The following ZDHHC21 variants were observed in gnomAD, a reference collection of about 807,000 sequenced individuals.
ZDHHC21 encodes zDHHC palmitoyltransferase 21, also known as palmitoyltransferase ZDHHC21.
Under a neutral mutation model 34.6 loss-of-function variants are expected in ZDHHC21, and 15 were observed. That is an observed-to-expected ratio of 0.43 (90% CI 0.29 to 0.67). The LOEUF (loss-of-function observed/expected upper bound fraction) is 0.67, where lower values mean the gene tolerates loss of function less well. Among genes scored for constraint, ZDHHC21 ranks in the 30% least tolerant of loss-of-function variants. The probability of loss-of-function intolerance (pLI) is 0.14; values close to 1 mark genes in which losing one functional copy is unlikely to be tolerated. For synonymous variants in ZDHHC21, 142 were observed against 101.8 expected (o/e 1.40, Z -2.38); for missense variants, 344 against 327.7 (o/e 1.05, Z -0.38).
intron 2 of ZDHHC21, among the ~76,000 whole-genome samples, chr9:14,683,918 A>AT (rs1252399374): frequency 6.6e-6 from 1 of 152,212 alleles, no homozygotes; most frequent in African/African-American, 2.4e-5. Context: ...AATAAACGTA[A>AT]TCCAGCATAT....
intron 8 of ZDHHC21, among the ~76,000 whole-genome samples, chr9:14,629,556 C>A (rs1316863805): frequency 6.6e-6 from 1 of 152,120 alleles, no homozygotes; most frequent in Admixed American, 6.5e-5. Context: ...ATGCTATACT[C>A]TATGAAGTGT....
intron 8 of ZDHHC21, among the ~76,000 whole-genome samples, chr9:14,621,789 AG>A (rs1825353048): frequency 6.6e-6 from 1 of 152,154 alleles, no homozygotes; most frequent in Non-Finnish European, 1.5e-5. Flanking sequence ...ACAGCAAACT[AG>A]AAGAGGACAG....
chr9:14,610,952 T>C (rs1249759453), downstream of ZDHHC21: 1 of 152,028 alleles, frequency 6.6e-6, no homozygotes, highest in East Asian at 1.9e-4. Context: ...CTAGTAATCA[T>C]GAATAATTAT....
At chr9:14,659,542 G>T (rs771215878) in intron 6 of ZDHHC21, among the ~76,000 whole-genome samples, 1 of 152,120 alleles carries the variant, frequency 6.6e-6, no homozygotes, top group Non-Finnish European at 1.5e-5. Context: ...ATATTTTATT[G>T]TTCCAAATTT....
At chr9:14,650,602 T>A (rs1021802087) in intron 7 of ZDHHC21, among the ~76,000 whole-genome samples, 4 of 151,978 alleles carry the variant, frequency 2.6e-5, no homozygotes, top group Non-Finnish European at 4.4e-5. Flanking sequence ...AAGATTAAAA[T>A]AAATTATGAA....
the ZDHHC21 span, among the ~76,000 whole-genome samples, chr9:14,592,539 T>A: frequency 3.3e-5 from 5 of 152,042 alleles, 1 homozygote; most frequent in African/African-American, 9.7e-5. Context: ...CTGAAAGAAT[T>A]AAAAGAACAA....
intron 8 of ZDHHC21, among the ~76,000 whole-genome samples, chr9:14,627,166 T>C (rs1826418015): frequency 6.6e-6 from 1 of 152,194 alleles, no homozygotes; most frequent in Admixed American, 6.5e-5. Context: ...TACACTTCTG[T>C]GTATAGATTA....
chr9:14,675,380 C>A lies in ZDHHC21; in HGVS notation c.-45-995G>T, dbSNP rs149385788. On this transcript the variant is annotated intron_variant, in intron 3 of 9. Transcript: ENST00000380916. ...ACGGTTCTCTAGCCTGTAAGAAAAC[C>A]AAAAACACCTGGGGAGCTTTTTAAA... Among the ~76,000 whole-genome samples the A allele has an allele frequency of 1.1e-3, 160 of 151,868 alleles. 4 individuals carry two copies. In the East Asian group the frequency reaches 0.026, roughly 24 times the overall value.
chr9:14,602,060 T>C, the ZDHHC21 span, among the ~76,000 whole-genome samples: 2 of 152,010 alleles, frequency 1.3e-5, no homozygotes, highest in South Asian at 2.1e-4. Context: ...GACGGGTTGA[T>C]GGGTGCAGCA....
chr9:14,662,112 A>T (rs1017198503), intron 6 of ZDHHC21, 103 bp downstream of exon 6: 1 of 669,832 alleles, frequency 1.5e-6, no homozygotes, highest in African/African-American at 1.8e-5. Flanking sequence ...ATATTGTAAA[A>T]CTATATAACT....
chr9:14,630,848 T>C (rs1219828307), intron 8 of ZDHHC21, among the ~76,000 whole-genome samples: 1 of 152,230 alleles, frequency 6.6e-6, no homozygotes, highest in Admixed American at 6.5e-5. Context: ...TAGTTCTCAA[T>C]AGTGGGCTTA....
downstream of ZDHHC21, among the ~76,000 whole-genome samples, chr9:14,606,249 C>T (rs377508327): frequency 6.6e-6 from 1 of 152,132 alleles, no homozygotes; most frequent in African/African-American, 2.4e-5. Context: ...TGTTCTCTCC[C>T]GCTGACTCTG....
chr9:14,690,515 G>A (rs917014194), intron 1 of ZDHHC21, 130 bp from the exon 2 acceptor site: 2 of 372,992 alleles, frequency 5.4e-6, no homozygotes, highest in Non-Finnish European at 1.0e-5. Context: ...CTGCCCTTTT[G>A]TAGAAGGGGC....
intron 3 of ZDHHC21, among the ~76,000 whole-genome samples, chr9:14,678,161 C>G (rs545646776): frequency 2.0e-5 from 3 of 152,120 alleles, no homozygotes; most frequent in Non-Finnish European, 2.9e-5. Context: ...TTTCCTGGCA[C>G]TTCAGTTCAC....
At chr9:14,644,236 G>C (rs1829895450) in intron 7 of ZDHHC21, among the ~76,000 whole-genome samples, 1 of 152,020 alleles carries the variant, frequency 6.6e-6, no homozygotes, top group South Asian at 2.1e-4. Context: ...TTGTTTCATA[G>C]TCACATTTTT....
At chr9:14,656,129 T>C (rs1424818649) in intron 7 of ZDHHC21, among the ~76,000 whole-genome samples, 1 of 152,032 alleles carries the variant, frequency 6.6e-6, no homozygotes, top group East Asian at 1.9e-4. Context: ...CTTCAAACTC[T>C]CAACTTCTAA....
At chr9:14,607,875 G>A (rs553815265), downstream of ZDHHC21, among the ~76,000 whole-genome samples, 6 of 152,200 alleles carry the variant, frequency 3.9e-5, no homozygotes, top group South Asian at 1.2e-3. Context: ...CAAATTATTG[G>A]AGACTTTCAA....
At chr9:14,608,246 T>C (rs1823082131), downstream of ZDHHC21, among the ~76,000 whole-genome samples, 4 of 152,134 alleles carry the variant, frequency 2.6e-5, no homozygotes, top group Admixed American at 2.6e-4. Context: ...AATGTGGAAC[T>C]ATAAAATCTC....
At chr9:14,684,123 T>C (rs963347347) in intron 2 of ZDHHC21, among the ~76,000 whole-genome samples, 1 of 151,694 alleles carries the variant, frequency 6.6e-6, no homozygotes, top group African/African-American at 2.4e-5. Context: ...CTGGAAGCAT[T>C]CCCTTTGAAA....
Sources: allele counts gnomAD v4.1 joint callset (sites outside exome capture counted in the v4.1 genomes callset), GRCh38; gene constraint gnomAD v4.1.1; transcripts MANE v1.5; gene names NCBI Gene and HGNC (gene_info 2026-07-23, HGNC 2026-07-21).